ITGAM: variants seen among roughly 807,000 people sequenced by gnomAD.
ITGAM encodes the protein integrin subunit alpha M.
Under a neutral mutation model 137.5 loss-of-function variants are expected in ITGAM, and 79 were observed. The observed-to-expected ratio is 0.57, with a 90% CI of 0.48 to 0.69. The LOEUF is 0.69. Among genes scored for constraint, ITGAM ranks in the 30% least tolerant of loss-of-function variants. The pLI, the probability that ITGAM is intolerant of heterozygous loss-of-function variation, is 0.00. For synonymous variants in ITGAM, 583 were observed against 592.3 expected (o/e 0.98, Z 0.23); for missense variants, 1,343 against 1,483.5 (o/e 0.91, Z 1.56).
intron 14 of ITGAM, among the ~76,000 whole-genome samples, chr16:31,308,741 G>T (rs1163287761): frequency 1.3e-5 from 2 of 152,246 alleles, no homozygotes; most frequent in Admixed American, 6.5e-5. Context: ...TAATTGCGAT[G>T]TTAGGGTGTC....
intron 1 of ITGAM, 123 bp from the exon 2 acceptor site, chr16:31,261,569 G>A: frequency 1.7e-6 from 1 of 586,364 alleles, no homozygotes; most frequent in Non-Finnish European, 3.1e-6. Context: ...TCAGGCTGGA[G>A]TGCAGTGGCA....
At position 31,277,977 on chromosome 16, in the gene ITGAM, C is replaced by A; in HGVS notation, c.1224C>A (p.Ala408=). The change falls in exon 12 of 30, where the codon GCC becomes GCA. Residue 408 remains alanine, a synonymous_variant. Transcript: ENST00000544665. ...GACCCCCACCTTCAGGTTATGCTGC[C>A]GCCATCATCTTACGGAACCGGGTGC... ...DMNDAYLGYA[A]AIILRNRVQS... 6.3e-7 allele frequency: 1 copy of A among 1,597,108 alleles called. No individual in the cohort carries two copies.
intron 12 of ITGAM, among the ~76,000 whole-genome samples, chr16:31,288,827 C>T (rs1289258593): frequency 6.6e-6 from 1 of 152,110 alleles, no homozygotes; most frequent in African/African-American, 2.4e-5. Context: ...AGGCAACCTA[C>T]AGAATGGGAG....
At chr16:31,266,587 G>A (rs964495057) in intron 5 of ITGAM, among the ~76,000 whole-genome samples, 1 of 151,768 alleles carries the variant, frequency 6.6e-6, no homozygotes, top group African/African-American at 2.4e-5. Context: ...GCCAGGCGTG[G>A]TGGCACACAC....
intron 7 of ITGAM, 33 bp from the exon 8 acceptor site, chr16:31,273,332 C>T (rs766600338): frequency 3.2e-6 from 5 of 1,574,730 alleles, no homozygotes; most frequent in Non-Finnish European, 4.3e-6. Context: ...CATCTACTTG[C>T]ATTTGACTTT....
At chr16:31,321,915 G>A (rs540237184) in intron 16 of ITGAM, among the ~76,000 whole-genome samples, 162 of 152,280 alleles carry the variant, frequency 1.1e-3, no homozygotes, top group Non-Finnish European at 1.3e-3. Context: ...TTTAATAAAC[G>A]GAGAGAAAAC....
At chr16:31,263,080 T>G (rs974343917) in intron 2 of ITGAM, among the ~76,000 whole-genome samples, 2 of 152,206 alleles carry the variant, frequency 1.3e-5, no homozygotes, top group African/African-American at 4.8e-5. Context: ...TAGCTTGGAT[T>G]GCAGGTGCCT....
intron 29 of ITGAM, 21 bp downstream of exon 29, chr16:31,331,296 A>AC: frequency 8.7e-7 from 1 of 1,149,412 alleles, no homozygotes; most frequent in South Asian, 1.3e-5. Flanking sequence ...CTGCTCCCCC[A>AC]CCCCCTCCCT....
chr16:31,329,073 T>TCA, intron 23 of ITGAM, 155 bp from the exon 24 acceptor site: 8 of 426,232 alleles, frequency 1.9e-5, no homozygotes, highest in South Asian at 8.6e-5. Flanking sequence ...ACACATTGGT[T>TCA]CCCCCATCCC....
chr16:31,276,619 A>C, intron 9 of ITGAM, 52 bp from the exon 10 acceptor site: 1 of 1,366,334 alleles, frequency 7.3e-7, no homozygotes, highest in Non-Finnish European at 1.0e-6. Flanking sequence ...GGCGTGAGCC[A>C]CCATGCCCGG....
chr16:31,324,541 A>C lies in ITGAM; in HGVS notation c.2145A>C (p.Lys715Asn). 1 of 1,609,622 alleles carries C rather than the reference A, an allele frequency of 6.2e-7. No homozygotes were observed. Among genetic ancestry groups the C allele is most frequent in the Non-Finnish European group, 8.5e-7 (1 of 1,178,044 alleles). ...LGLTQTCETLKLQLPNCIEDP... is the reference protein window; with the variant it reads ...LGLTQTCETLNLQLPNCIEDP... ...TGACCCAGACTTGTGAGACCCTGAA[A>C]CTACAGTTGCCGGTGAGCAGGCTAG... The change falls in exon 17 of 30, where the codon AAA (lysine) becomes AAC (asparagine). Residue 715 changes from lysine to asparagine, a missense_variant. Transcript: ENST00000544665. This position sits in a 1 kb window ranked among gnomAD's most constrained non-coding sequence, Gnocchi z 4.5.
chr16:31,287,229 C>T (rs753895816), intron 12 of ITGAM, among the ~76,000 whole-genome samples: 9 of 152,006 alleles, frequency 5.9e-5, no homozygotes, highest in Admixed American at 4.6e-4. Context: ...TGTTCTATTC[C>T]GTTGGTCTAT....
intron 14 of ITGAM, among the ~76,000 whole-genome samples, chr16:31,317,172 G>C (rs1303566415): frequency 1.3e-5 from 2 of 152,086 alleles, no homozygotes; most frequent in African/African-American, 4.8e-5. Flanking sequence ...TCCTTGCCTT[G>C]TTCCTAATTT....
At chr16:31,327,595 AAATAAT>A (rs907618848) in intron 22 of ITGAM, among the ~76,000 whole-genome samples, 31 of 151,114 alleles carry the variant, frequency 2.1e-4, no homozygotes, top group Admixed American at 1.1e-3. Flanking sequence ...CCCAGTGTCA[AAATAAT>A]AATAATAATA....
intron 5 of ITGAM, among the ~76,000 whole-genome samples, chr16:31,268,026 T>C (rs1374068516): frequency 2.0e-5 from 3 of 152,156 alleles, no homozygotes; most frequent in Non-Finnish European, 4.4e-5. Context: ...TCATTCTATC[T>C]GTATCTGAAA....
chr16:31,281,606 C>G (rs1464161042), intron 12 of ITGAM, among the ~76,000 whole-genome samples: 2 of 152,142 alleles, frequency 1.3e-5, no homozygotes, highest in African/African-American at 4.8e-5. Context: ...TGATTCTTCT[C>G]TCTTTTCTTC....
rs1347962258 is a variant in ITGAM at position 31,277,955 on chromosome 16, C to A, written c.1214-12C>A. 55 of 1,580,658 alleles carry A rather than the reference C, an allele frequency of 3.5e-5. No homozygotes were observed. Among genetic ancestry groups the A allele is most frequent in the Non-Finnish European group, 4.6e-5 (54 of 1,163,016 alleles). On this transcript the variant is annotated splice_polypyrimidine_tract_variant and intron_variant, in intron 11 of 29. Transcript: ENST00000544665. The stretch of plus-strand genomic sequence containing the variant: ...AGGGAATGCACTTCACCTCTCAGAC[C>A]CCCACCTTCAGGTTATGCTGCCGCC...
intron 14 of ITGAM, among the ~76,000 whole-genome samples, chr16:31,298,204 CAAAAAAAAA>C (rs61202942): frequency 2.6e-5 from 2 of 77,828 alleles, no homozygotes; most frequent in Non-Finnish European, 5.0e-5. Flanking sequence ...CCCATCTCTC[CAAAAAAAAA>C]AAAAAAAAAA....
chr16:31,321,737 C>T, intron 16 of ITGAM, 110 bp downstream of exon 16: 12 of 1,107,116 alleles, frequency 1.1e-5, no homozygotes, highest in South Asian at 4.6e-5. Context: ...TTCTCACAGG[C>T]TCTGACAACC....
Sources: allele counts gnomAD v4.1 joint callset (sites outside exome capture counted in the v4.1 genomes callset), GRCh38; gene constraint gnomAD v4.1.1; non-coding constraint Gnocchi (gnomAD v3.1); transcripts MANE v1.5; gene names NCBI Gene and HGNC (gene_info 2026-07-23, HGNC 2026-07-21).